The following NHSL2 variants were observed in gnomAD, a reference collection of about 807,000 sequenced individuals.
NHSL2 encodes the protein NHS-like protein 2.
Under a neutral mutation model 53.4 loss-of-function variants are expected in NHSL2, and 27 were observed. The observed-to-expected ratio is 0.51, with a 90% CI of 0.37 to 0.70. The LOEUF is 0.70. NHSL2 is among the 30% of genes least tolerant of loss of function. The pLI is 0.00. For missense variants in NHSL2, 892 were observed against 980.1 expected, an observed-to-expected ratio of 0.91 and a Z score of 1.20; for synonymous variants, 408 against 404.1, an observed-to-expected ratio of 1.01 and a Z score of -0.12.
At chrX:71,918,094 G>A (rs930563726) in intron 1 of NHSL2, among the ~76,000 whole-genome samples, 4 of 111,693 alleles carry the variant, frequency 3.6e-5, no homozygotes, top group Admixed American at 2.8e-4. Flanking sequence ...GCAGGGCCAG[G>A]CCCTGGGCCC....
rs148814085 is a variant in NHSL2 at position 72,132,489 on chromosome X, G to C, written c.436+255G>C. On this transcript the variant is annotated intron_variant, in intron 2 of 7. Coordinates refer to ENST00000633930, the MANE Select transcript of NHSL2 (RefSeq NM_001013627.3). Reference sequence around the variant, plus strand: ...ATGGGGAAACAAGGACAGAGACTGAGGCAGGGCCATAAGTTATGCCATTCA... The same window carrying C: ...ATGGGGAAACAAGGACAGAGACTGACGCAGGGCCATAAGTTATGCCATTCA... Among the ~76,000 whole-genome samples, 662 of 109,897 alleles carry C rather than the reference G, an allele frequency of 6.0e-3. 9 individuals are homozygous for C. Among genetic ancestry groups the C allele is most frequent in the African/African-American group, 0.021 (630 of 30,118 alleles).
At chrX:72,044,526 TCC>T in intron 1 of NHSL2, 1 of 611,901 alleles carries the variant, frequency 1.6e-6, no homozygotes, top group Non-Finnish European at 2.7e-6. Context: ...GCCCGCTCTC[TCC>T]GGTCCATGCC....
chrX:72,034,020 G>A (rs986681469), intron 1 of NHSL2, among the ~76,000 whole-genome samples: 1 of 111,973 alleles, frequency 8.9e-6, no homozygotes, highest in African/African-American at 3.2e-5. Flanking sequence ...TAGCTGTAGG[G>A]TTTTGTTTTT....
At chrX:72,095,078 TTGGCCCCTGTTGCCA>T (rs1297293463) in intron 1 of NHSL2, among the ~76,000 whole-genome samples, 8 of 112,083 alleles carry the variant, frequency 7.1e-5, no homozygotes, top group Non-Finnish European at 1.5e-4. Flanking sequence ...CTCTCAGTGC[TTGGCCCCTGTTGCCA>T]TGGCCCCTGT....
rs913878038 is a variant in NHSL2, at chrX:71,985,045, G to A, written c.280+73678G>A. 5.4e-5 allele frequency among the ~76,000 whole-genome samples: 6 copies of A among 110,976 alleles called. No homozygotes were observed. The East Asian group carries it at 8.5e-4, about 16-fold the overall frequency. The stretch of plus-strand genomic sequence containing the variant: ...TCACTGTGTTAGCCAGGATGGTGTC[G>A]ATCTCCTGACCTCGTGGTCCGCCCA... On this transcript the variant is annotated intron_variant, in intron 1 of 7. Transcript: ENST00000633930.
chrX:72,103,622 C>G (rs1347572718), intron 1 of NHSL2, among the ~76,000 whole-genome samples: 1 of 112,105 alleles, frequency 8.9e-6, no homozygotes, highest in Non-Finnish European at 1.9e-5. Context: ...TTGGTGAAGG[C>G]ATCTTCAACT....
intron 1 of NHSL2, among the ~76,000 whole-genome samples, chrX:71,962,761 C>T (rs938053575): frequency 2.5e-4 from 27 of 107,716 alleles, no homozygotes; most frequent in Non-Finnish European, 5.0e-4. Context: ...TTCTGAGTAG[C>T]TGGGACTACA....
intron 1 of NHSL2, among the ~76,000 whole-genome samples, chrX:72,109,197 C>CCCAG (rs2042070444): frequency 8.9e-6 from 1 of 112,123 alleles, no homozygotes; most frequent in African/African-American, 3.3e-5. Flanking sequence ...ACAGAAAGGG[C>CCCAG]TAAGTATTTG....
rs142462346 is a variant in NHSL2 at position 72,114,567 on chromosome X, C to T, written c.281-17512C>T. Among the ~76,000 whole-genome samples the T allele has an allele frequency of 8.1e-3, 903 of 111,731 alleles. 11 individuals are homozygous for T. The highest frequency in any genetic ancestry group is 0.027 in the African/African-American group (843 of 30,724). On this transcript the variant is annotated intron_variant, in intron 1 of 7. Transcript: ENST00000633930. ...AAGCAGGATTATGCAGAGGGAGTAACGTAAACTGCAACAAAGGTCACAGTC... is the reference window on the plus strand; with the variant it reads ...AAGCAGGATTATGCAGAGGGAGTAATGTAAACTGCAACAAAGGTCACAGTC...
intron 1 of NHSL2, among the ~76,000 whole-genome samples, chrX:72,029,675 C>T (rs1367558270): frequency 1.8e-5 from 2 of 112,961 alleles, no homozygotes; most frequent in African/African-American, 3.2e-5. Context: ...GCTGCAAGCC[C>T]TCAGAGCTCC....
intron 1 of NHSL2, chrX:72,069,859 G>C (rs1324945229): frequency 3.2e-5 from 11 of 347,981 alleles, no homozygotes; most frequent in Non-Finnish European, 4.6e-5. Context: ...GGGGCTGGCA[G>C]GGGGCAGGGA....
intron 1 of NHSL2, among the ~76,000 whole-genome samples, chrX:71,924,549 A>G (rs2041675214): frequency 8.9e-6 from 1 of 112,165 alleles, no homozygotes; most frequent in African/African-American, 3.2e-5. Flanking sequence ...TTGGCCTAAG[A>G]TAAACTGGAA....
In NHSL2 at chrX:72,134,591, C is replaced by T. The variant is rs1316258053; in HGVS notation, c.647C>T (p.Thr216Ile). The T allele has an allele frequency of 8.6e-7, 1 of 1,164,349 alleles. No homozygotes were observed. Among genetic ancestry groups the T allele is most frequent in the East Asian group, 3.3e-5 (1 of 30,744 alleles). The change falls in exon 4 of 8, where the codon ACA (threonine) becomes ATA (isoleucine). Residue 216 changes from threonine (T) to isoleucine (I), a missense_variant. Physicochemically the swap from Thr to Ile is moderately conservative, Grantham distance 89 (BLOSUM62 -1). Coordinates refer to ENST00000633930, the MANE Select transcript of NHSL2 (RefSeq NM_001013627.3). Reference protein sequence around the residue: ...APEASLSLSTTADKQTAWNSL... With the variant: ...APEASLSLSTIADKQTAWNSL... ...GAGGCCTCCCTGAGCCTGTCTACCACAGCCGACAAGCAAACTGCCTGGAAT... is the reference window on the plus strand; with the variant it reads ...GAGGCCTCCCTGAGCCTGTCTACCATAGCCGACAAGCAAACTGCCTGGAAT...
chrX:72,089,432 G>A (rs1049204419), intron 1 of NHSL2, among the ~76,000 whole-genome samples: 5 of 111,376 alleles, frequency 4.5e-5, no homozygotes, highest in Admixed American at 3.8e-4. Flanking sequence ...TAATGGGCAA[G>A]AGGATTCCAG....
rs373380742 is a variant in NHSL2, at chrX:72,130,550, G to C, written c.281-1529G>C. 3 of 1,211,157 alleles carry C rather than the reference G, an allele frequency of 2.5e-6. No homozygotes were observed. In the Admixed American group the frequency reaches 6.5e-5, roughly 26 times the overall value. On this transcript the variant is annotated intron_variant, in intron 1 of 7. Coordinates refer to ENST00000633930, the MANE Select transcript of NHSL2 (RefSeq NM_001013627.3). ...TCACTTTCTTCCTCATTGGGACTCGGAGCAAAAGGGAAGATGATATTTCGA... is the reference window on the plus strand; with the variant it reads ...TCACTTTCTTCCTCATTGGGACTCGCAGCAAAAGGGAAGATGATATTTCGA...
rs764087592 is a variant in NHSL2 at position 72,131,081 on chromosome X, C to G, written c.281-998C>G. On this transcript the variant is annotated intron_variant, in intron 1 of 7. Coordinates refer to ENST00000633930, the MANE Select transcript of NHSL2 (RefSeq NM_001013627.3). ...TAGACTGGGTCTCCTGAAAAGGGCT[C>G]TATCTCAGGCCGCTCCAGCGGTGCC... 21 of 1,207,150 alleles carry G rather than the reference C, an allele frequency of 1.7e-5. No homozygotes were observed. The South Asian group carries it at 2.1e-4, about 12-fold the overall frequency.
Position 72,130,739 on chromosome X carries a change from C to T in NHSL2, c.281-1340C>T, listed in dbSNP as rs770340206. ...AATTGGTTTTGGAGGCGGCAGTCAT[C>T]CCAAGACAAGAATTGGGCCAGGAAC... On this transcript the variant is annotated intron_variant, in intron 1 of 7. Transcript: ENST00000633930. 19 of 1,210,289 alleles carry T rather than the reference C, an allele frequency of 1.6e-5. No homozygotes were observed. In the African/African-American group the frequency reaches 3.1e-4, roughly 20 times the overall value.
At chrX:72,137,003 C>T (rs1282690639) in intron 4 of NHSL2, 91 bp from the exon 5 acceptor site, 3 of 784,064 alleles carry the variant, frequency 3.8e-6, no homozygotes, top group South Asian at 2.6e-5. Flanking sequence ...ATGCTTATCA[C>T]GACTGCCATC....
At chrX:72,028,690 A>C (rs2147907877) in intron 1 of NHSL2, among the ~76,000 whole-genome samples, 1 of 111,986 alleles carries the variant, frequency 8.9e-6, no homozygotes, top group Admixed American at 9.4e-5. Context: ...CTCATTTGAC[A>C]ACACTCTCTC....
Sources: gnomAD v4.1 joint callset for allele counts (sites outside exome capture counted in the v4.1 genomes callset) on GRCh38, gnomAD v4.1.1 for gene constraint, MANE v1.5 for transcripts, NCBI Gene and HGNC (gene_info 2026-07-23, HGNC 2026-07-21) for gene names.